The following AFF1 variants were observed in gnomAD, a reference collection of about 807,000 sequenced individuals.
AFF1 encodes the protein ALF transcription elongation factor 1, also known as AF4/FMR2 family member 1.
In AFF1, 48 loss-of-function variants were observed where a neutral mutation model predicts 121.7. The ratio of observed to expected loss-of-function variants is 0.39; its 90% CI spans 0.31 to 0.50. The LOEUF is 0.50. Among genes scored for constraint, AFF1 ranks in the 20% least tolerant of loss-of-function variants. The pLI, the probability that AFF1 is intolerant of heterozygous loss-of-function variation, is 0.76. For synonymous variants in AFF1, 613 were observed against 563.0 expected (o/e 1.09, Z -1.26); for missense variants, 1,523 against 1,511.7 (o/e 1.01, Z -0.12).
chr4:87,099,520 C>T (rs1294888423), intron 8 of AFF1, among the ~76,000 whole-genome samples: 2 of 152,172 alleles, frequency 1.3e-5, no homozygotes, highest in Admixed American at 6.5e-5. Flanking sequence ...GCAATCCTCC[C>T]ACCTTAGCCT....
chr4:87,002,985 A>G (rs941178189), intron 2 of AFF1, among the ~76,000 whole-genome samples: 4 of 152,234 alleles, frequency 2.6e-5, no homozygotes, highest in Admixed American at 1.3e-4. Context: ...TGGGTTGGAT[A>G]CAATGGTGTT....
chr4:86,974,775 G>C (rs1345526670), intron 2 of AFF1, among the ~76,000 whole-genome samples: 1 of 152,212 alleles, frequency 6.6e-6, no homozygotes, highest in African/African-American at 2.4e-5. Flanking sequence ...CTCACGTTAA[G>C]TTAAATTCAG....
intron 10 of AFF1, 41 bp from the exon 11 acceptor site, chr4:87,108,118 T>C: frequency 6.2e-7 from 1 of 1,603,786 alleles, no homozygotes; most frequent in Non-Finnish European, 8.5e-7. Flanking sequence ...AAATCCACCT[T>C]GTATCGTGCC....
intron 2 of AFF1, among the ~76,000 whole-genome samples, chr4:86,973,282 TG>T (rs1315933196): frequency 7.2e-6 from 1 of 138,672 alleles, no homozygotes; most frequent in Non-Finnish European, 1.7e-5. Context: ...GAGACCAGTT[TG>T]GTTGGATCCC....
intron 1 of AFF1, among the ~76,000 whole-genome samples, chr4:86,939,796 C>A (rs1044900738): frequency 1.3e-5 from 2 of 152,202 alleles, no homozygotes; most frequent in African/African-American, 2.4e-5. Flanking sequence ...GCTCCTCTTA[C>A]CCGTCCCCCG....
chr4:87,000,360 T>C (rs952054219), intron 2 of AFF1, among the ~76,000 whole-genome samples: 3 of 152,164 alleles, frequency 2.0e-5, no homozygotes, highest in Non-Finnish European at 2.9e-5. Context: ...TAATGCAGTT[T>C]TAGGATACCT....
chr4:86,989,359 G>A (rs1437026109), intron 2 of AFF1, among the ~76,000 whole-genome samples: 1 of 152,162 alleles, frequency 6.6e-6, no homozygotes, highest in Non-Finnish European at 1.5e-5. Flanking sequence ...CCATCCAAAG[G>A]TGGGTGAAGG....
chr4:86,956,332 TA>T (rs1721736047), intron 2 of AFF1, among the ~76,000 whole-genome samples: 1 of 152,192 alleles, frequency 6.6e-6, no homozygotes, highest in Admixed American at 6.5e-5. Flanking sequence ...ACTGAGGAAA[TA>T]TTTTTTTGGA....
intron 2 of AFF1, among the ~76,000 whole-genome samples, chr4:86,977,691 G>C (rs927299693): frequency 1.3e-5 from 2 of 152,166 alleles, no homozygotes; most frequent in Non-Finnish European, 2.9e-5. Flanking sequence ...CCCTCAGGGT[G>C]TTAAGGACTA....
chr4:87,102,017 C>T (rs1391819763), intron 8 of AFF1, among the ~76,000 whole-genome samples: 2 of 152,228 alleles, frequency 1.3e-5, no homozygotes, highest in South Asian at 2.1e-4. Context: ...CTCACTGCAG[C>T]GTGTCTGCCA....
chr4:87,079,571 A>G (rs17012388), intron 4 of AFF1, among the ~76,000 whole-genome samples: 3,094 of 152,278 alleles, frequency 0.02, 110 homozygotes, highest in African/African-American at 0.071. Flanking sequence ...ACCCTCCTAA[A>G]ATGCTAATAT....
chr4:87,102,286 T>TGTATA (rs1358990401), intron 8 of AFF1, among the ~76,000 whole-genome samples: 1 of 152,242 alleles, frequency 6.6e-6, no homozygotes, highest in Non-Finnish European at 1.5e-5. Flanking sequence ...AACTTGTTAT[T>TGTATA]TGACCAGTTA....
chr4:87,132,354 A>G lies in AFF1; in HGVS notation c.3257A>G (p.Lys1086Arg), dbSNP rs771898654. 5 of 1,613,424 alleles carry G rather than the reference A, an allele frequency of 3.1e-6. No homozygotes were observed. The highest frequency in any genetic ancestry group is 4.2e-6 in the Non-Finnish European group (5 of 1,179,792). Reference protein sequence around the residue: ...IAIKYSRTLNKHFESSSKVAQ... With the variant: ...IAIKYSRTLNRHFESSSKVAQ... ...ATAAAGTATTCTCGTACTCTTAATA[A>G]ACACTTCGAGAGTTCTTCCAAAGTC... Residue 1086 changes from lysine to arginine, a missense_variant, in exon 19 of 21, where the codon AAA becomes AGA. Physicochemically the swap from Lys to Arg is conservative, Grantham distance 26. Around this residue, in one of 5 missense-constraint regions of AFF1, gnomAD observed 241 missense variants for 265.2 expected, o/e 0.91. Coordinates refer to ENST00000395146, the MANE Select transcript of AFF1 (RefSeq NM_001166693.3).
intron 12 of AFF1, among the ~76,000 whole-genome samples, chr4:87,122,446 A>G (rs1010785873): frequency 4.6e-5 from 7 of 152,334 alleles, no homozygotes; most frequent in African/African-American, 7.2e-5. Flanking sequence ...CCCTGTCGCA[A>G]TGCCCCAGCA....
At chr4:86,962,920 C>G (rs1251363615) in intron 2 of AFF1, among the ~76,000 whole-genome samples, 3 of 152,044 alleles carry the variant, frequency 2.0e-5, no homozygotes, top group African/African-American at 7.2e-5. Context: ...AAACTCAGCA[C>G]TTTGAGAGGC....
intron 2 of AFF1, among the ~76,000 whole-genome samples, chr4:86,977,934 T>C (rs1186681674): frequency 6.6e-6 from 1 of 152,108 alleles, no homozygotes; most frequent in African/African-American, 2.4e-5. Flanking sequence ...CACTGTGCTG[T>C]GAGGGGATAC....
rs369568341 is a variant in AFF1 at position 87,008,879 on chromosome 4, T to G, written c.39-37287T>G. 3.3e-5 allele frequency among the ~76,000 whole-genome samples: 5 copies of G among 152,228 alleles called. No homozygotes were observed. In the East Asian group the frequency reaches 9.6e-4, roughly 29 times the overall value. The stretch of plus-strand genomic sequence containing the variant: ...GCTTGTCTATATAATCTGGTACCTT[T>G]GTATTCTTATGTATTTTATTTAATG... On this transcript the variant is annotated intron_variant, in intron 2 of 20. Transcript: ENST00000395146.
At chr4:86,995,959 C>A (rs1323382618) in intron 2 of AFF1, among the ~76,000 whole-genome samples, 73 of 112,590 alleles carry the variant, frequency 6.5e-4, no homozygotes, top group Middle Eastern at 5.6e-3. Context: ...CTCTGCCCGG[C>A]CGCCCCGTCT....
intron 17 of AFF1, 95 bp downstream of exon 17, chr4:87,131,314 A>G (rs1249903555): frequency 2.0e-6 from 3 of 1,481,498 alleles, no homozygotes; most frequent in Non-Finnish European, 2.7e-6. Context: ...AAGATGGCTC[A>G]ATAAAGGGGA....
Sources: allele counts gnomAD v4.1 joint callset (sites outside exome capture counted in the v4.1 genomes callset), GRCh38; gene constraint gnomAD v4.1.1; regional missense constraint gnomAD v4.1.1; transcripts MANE v1.5; gene names NCBI Gene and HGNC (gene_info 2026-07-23, HGNC 2026-07-21).